Variants in ENTREP2 observed in about 807,000 individuals in gnomAD.
The protein encoded by ENTREP2 is protein ENTREP2.
the ENTREP2 span, among the ~76,000 whole-genome samples, chr15:29,445,673 C>A: frequency 6.6e-6 from 1 of 152,280 alleles, no homozygotes; most frequent in African/African-American, 2.4e-5. Context: ...TTTGTAATAT[C>A]CTTTATAATA....
the ENTREP2 span, among the ~76,000 whole-genome samples, chr15:29,627,693 T>C: frequency 6.6e-5 from 10 of 152,198 alleles, no homozygotes; most frequent in African/African-American, 2.4e-4. Flanking sequence ...ACTGTCTGTC[T>C]ATACATTTGC....
At chr15:29,194,653 T>G in the ENTREP2 span, among the ~76,000 whole-genome samples, 1 of 152,008 alleles carries the variant, frequency 6.6e-6, no homozygotes, top group Non-Finnish European at 1.5e-5. Flanking sequence ...ACCAGAACAG[T>G]GAATAAGAGT....
At chr15:29,289,152 A>G in the ENTREP2 span, among the ~76,000 whole-genome samples, 3 of 151,772 alleles carry the variant, frequency 2.0e-5, no homozygotes, top group African/African-American at 7.3e-5. Context: ...GGTTGCAGCG[A>G]GCCAAGATCA....
At chr15:29,256,982 C>T in the ENTREP2 span, among the ~76,000 whole-genome samples, 1 of 151,952 alleles carries the variant, frequency 6.6e-6, no homozygotes, top group Non-Finnish European at 1.5e-5. Flanking sequence ...ACAAATAACC[C>T]TATTCCCTTC....
At chr15:29,181,305 T>A in the ENTREP2 span, among the ~76,000 whole-genome samples, 1 of 152,170 alleles carries the variant, frequency 6.6e-6, no homozygotes, top group Non-Finnish European at 1.5e-5. Flanking sequence ...CCTGGTGATT[T>A]TGTAACTTTT....
At chr15:29,589,098 T>A in the ENTREP2 span, among the ~76,000 whole-genome samples, 2 of 151,930 alleles carry the variant, frequency 1.3e-5, no homozygotes, top group Non-Finnish European at 2.9e-5. Flanking sequence ...TTACTATAAA[T>A]CAGAGAGTGA....
the ENTREP2 span, among the ~76,000 whole-genome samples, chr15:29,340,830 G>A: frequency 2.0e-5 from 3 of 152,320 alleles, no homozygotes; most frequent in South Asian, 6.2e-4. Context: ...AAGCATCCGT[G>A]CCATTTCAAG....
the ENTREP2 span, among the ~76,000 whole-genome samples, chr15:29,225,045 CG>C: frequency 1.8e-4 from 27 of 152,320 alleles, no homozygotes; most frequent in African/African-American, 6.5e-4. Context: ...GCTCTGAGTG[CG>C]GGGCCGCTGA....
At chr15:29,465,485 T>C in the ENTREP2 span, among the ~76,000 whole-genome samples, 4 of 152,130 alleles carry the variant, frequency 2.6e-5, no homozygotes, top group African/African-American at 7.2e-5. Flanking sequence ...GACTGTGCAC[T>C]CTGCAGAGGA....
chr15:29,177,617 G>C, the ENTREP2 span, among the ~76,000 whole-genome samples: 3 of 152,200 alleles, frequency 2.0e-5, no homozygotes, highest in African/African-American at 7.2e-5. Context: ...ACTCAGTCTA[G>C]AGGGACACAG....
chr15:29,234,414 C>A, the ENTREP2 span: 19 of 1,524,364 alleles, frequency 1.2e-5, no homozygotes, highest in Non-Finnish European at 1.6e-5. Context: ...ATAAAATGGG[C>A]AACCATTCCA....
the ENTREP2 span, among the ~76,000 whole-genome samples, chr15:29,620,077 T>C: frequency 1.3e-5 from 2 of 152,166 alleles, no homozygotes; most frequent in East Asian, 3.9e-4. Flanking sequence ...CTCATGCAAA[T>C]GTGGGAACTG....
chr15:29,541,650 G>A, the ENTREP2 span, among the ~76,000 whole-genome samples: 3 of 152,158 alleles, frequency 2.0e-5, no homozygotes, highest in Non-Finnish European at 4.4e-5. Flanking sequence ...AAAAAGGAAT[G>A]AGAAGTTTTC....
the ENTREP2 span, among the ~76,000 whole-genome samples, chr15:29,587,563 A>G: frequency 6.6e-6 from 1 of 152,208 alleles, no homozygotes; most frequent in Middle Eastern, 3.2e-3. Context: ...ATAGGAAAAC[A>G]ACTCATTATC....
At chr15:29,123,234 C>T in the ENTREP2 span, 22 of 1,247,820 alleles carry the variant, frequency 1.8e-5, no homozygotes, top group African/African-American at 2.1e-4. Context: ...CACATTTATC[C>T]TCCGCCAAGC....
the ENTREP2 span, among the ~76,000 whole-genome samples, chr15:29,511,042 G>A: frequency 1.3e-5 from 2 of 152,066 alleles, no homozygotes; most frequent in Non-Finnish European, 2.9e-5. Flanking sequence ...GCCTGTCGGT[G>A]CGGTGGGGGG....
chr15:29,123,168 GA>G, the ENTREP2 span: 1 of 648,062 alleles, frequency 1.5e-6, no homozygotes, highest in Non-Finnish European at 2.6e-6. Context: ...CCCCTCGAGA[GA>G]GGGGGTAACA....
the ENTREP2 span, among the ~76,000 whole-genome samples, chr15:29,444,052 C>T: frequency 2.0e-5 from 3 of 151,932 alleles, no homozygotes; most frequent in South Asian, 2.1e-4. Flanking sequence ...TGCAGTGAGC[C>T]GAGATCGCGC....
chr15:29,394,391 TTTCATCCC>T, the ENTREP2 span, among the ~76,000 whole-genome samples: 2 of 150,616 alleles, frequency 1.3e-5, no homozygotes, highest in Non-Finnish European at 3.0e-5. Context: ...TGGACACAAT[TTTCATCCC>T]TTCATTATTT....
Sources: gnomAD v4.1 joint callset for allele counts (sites outside exome capture counted in the v4.1 genomes callset) on GRCh38, gnomAD v4.1.1 for gene constraint, MANE v1.5 for transcripts, NCBI Gene and HGNC (gene_info 2026-07-23, HGNC 2026-07-21) for gene names.